ETV1: variants seen among roughly 807,000 people sequenced by gnomAD.
The protein encoded by ETV1 is ETS variant transcription factor 1.
Under a neutral mutation model 62.3 loss-of-function variants are expected in ETV1, and 27 were observed. The ratio of observed to expected loss-of-function variants is 0.43; its 90% CI spans 0.32 to 0.60. The LOEUF (loss-of-function observed/expected upper bound fraction) is 0.60, where lower values mean the gene tolerates loss of function less well. ETV1 is among the 20% of genes least tolerant of loss of function. The pLI is 0.06. For synonymous variants in ETV1, 222 were observed against 199.6 expected (o/e 1.11, Z -0.94); for missense variants, 605 against 605.8 (o/e 1.00, Z 0.01).
chr7:13,925,926 T>A (rs1306945003), intron 9 of ETV1, among the ~76,000 whole-genome samples: 1 of 152,088 alleles, frequency 6.6e-6, no homozygotes, highest in African/African-American at 2.4e-5. Context: ...TGTTAAAATA[T>A]AAAATATTAA....
chr7:13,940,304 G>C (rs1280833532), intron 6 of ETV1, among the ~76,000 whole-genome samples: 3 of 151,438 alleles, frequency 2.0e-5, no homozygotes, highest in African/African-American at 4.9e-5. Flanking sequence ...GGAGGTTGCA[G>C]TGAGCCGAGA....
intron 12 of ETV1, among the ~76,000 whole-genome samples, chr7:13,901,499 G>T (rs1413470564): frequency 6.6e-6 from 1 of 152,040 alleles, no homozygotes; most frequent in African/African-American, 2.4e-5. Context: ...ATCCTTCTTG[G>T]TTTTTCAGAC....
At chr7:13,936,276 ATTC>A (rs1425647984) in intron 7 of ETV1, among the ~76,000 whole-genome samples, 1 of 152,206 alleles carries the variant, frequency 6.6e-6, no homozygotes, top group Non-Finnish European at 1.5e-5. Flanking sequence ...CTGATATTAT[ATTC>A]TTCTTTTATA....
intron 5 of ETV1, among the ~76,000 whole-genome samples, chr7:13,984,149 C>T (rs1458415501): frequency 6.6e-6 from 1 of 151,940 alleles, no homozygotes; most frequent in African/African-American, 2.4e-5. Flanking sequence ...GTTTTTAGAC[C>T]TGTTTAACTT....
At chr7:13,896,165 C>T (rs1002146256) in intron 13 of ETV1, 78 bp from the exon 14 acceptor site, 13 of 1,257,970 alleles carry the variant, frequency 1.0e-5, no homozygotes, top group Middle Eastern at 2.0e-4. Context: ...AAGCCAAAAA[C>T]GTGGTTTAAT....
chr7:13,952,097 A>G (rs1242495578), intron 6 of ETV1, among the ~76,000 whole-genome samples: 1 of 152,244 alleles, frequency 6.6e-6, no homozygotes, highest in Non-Finnish European at 1.5e-5. Context: ...AGGACAAGGT[A>G]TCCCGACAGA....
At position 13,927,533 on chromosome 7, in the gene ETV1, T is replaced by C. The variant is rs577991864; in HGVS notation, c.802+3969A>G. ...AATCTATGTGCTTCCTAATGTGCTATTTGTTCAACACCAATAGGTGAAAAA... is the reference window on the plus strand; with the variant it reads ...AATCTATGTGCTTCCTAATGTGCTACTTGTTCAACACCAATAGGTGAAAAA... On this transcript the variant is annotated intron_variant, in intron 9 of 13. Coordinates refer to ENST00000430479, the MANE Select transcript of ETV1 (RefSeq NM_004956.5). Among the ~76,000 whole-genome samples, 3 of 152,350 alleles carry C rather than the reference T, an allele frequency of 2.0e-5. No individual in the cohort carries two copies. In the East Asian group the frequency reaches 5.8e-4, roughly 29 times the overall value.
At chr7:13,976,932 T>A (rs1781505471) in intron 6 of ETV1, among the ~76,000 whole-genome samples, 1 of 152,152 alleles carries the variant, frequency 6.6e-6, no homozygotes, top group South Asian at 2.1e-4. Flanking sequence ...AAAAATTAAA[T>A]AAAAGCAGGT....
intron 9 of ETV1, 95 bp downstream of exon 9, chr7:13,931,407 G>T: frequency 7.4e-7 from 1 of 1,352,252 alleles, no homozygotes; most frequent in Non-Finnish European, 1.0e-6. Context: ...TTAAAAAATG[G>T]TCAGGAGCTA....
At position 13,989,149 on chromosome 7, in the gene ETV1, A is replaced by T; in HGVS notation, c.-87-10T>A. On this transcript the variant is annotated splice_polypyrimidine_tract_variant and intron_variant, in intron 2 of 13. Coordinates refer to ENST00000430479, the MANE Select transcript of ETV1 (RefSeq NM_004956.5). ...CTGGACTTCTATCAACCTAGAGGGGAACAAGATGGCTTTTAGGCTTAAAAA... is the reference window on the plus strand; with the variant it reads ...CTGGACTTCTATCAACCTAGAGGGGTACAAGATGGCTTTTAGGCTTAAAAA... The T allele has an allele frequency of 9.6e-7, 1 of 1,039,062 alleles. No individual in the cohort carries two copies. The highest frequency in any genetic ancestry group is 1.4e-6 in the Non-Finnish European group (1 of 707,734). The allele number at this position is 1,039,062 out of a possible 1,614,324, so 64.4% of individuals were successfully genotyped here. A position where few individuals can be genotyped will look rare whatever the true frequency, so the allele number is the denominator to read the frequency against.
At chr7:13,983,435 G>A (rs184215440) in intron 5 of ETV1, among the ~76,000 whole-genome samples, 8 of 152,022 alleles carry the variant, frequency 5.3e-5, no homozygotes, top group Admixed American at 3.3e-4. Context: ...TTAAGAATAA[G>A]ACATCACCAT....
In ETV1 at chr7:13,895,864, T is replaced by G; in HGVS notation, c.*2A>C. ...AAACGCCCTGCTTGACTGTCACTTG[T>G]GTTAATACACGTAGCCTTCGTTGTA... On this transcript the variant is annotated 3_prime_UTR_variant, in exon 14 of 14. Coordinates refer to ENST00000430479, the MANE Select transcript of ETV1 (RefSeq NM_004956.5). The G allele has an allele frequency of 6.2e-7, 1 of 1,611,324 alleles. No individual in the cohort carries two copies. Among genetic ancestry groups the G allele is most frequent in the Non-Finnish European group, 8.5e-7 (1 of 1,178,374 alleles).
upstream of ETV1, chr7:13,989,835 T>C (rs1348133394): frequency 2.7e-6 from 1 of 376,654 alleles, no homozygotes; most frequent in African/African-American, 2.1e-5. Context: ...CTCGCCCCTC[T>C]GCCCTAGGGG....
intron 6 of ETV1, among the ~76,000 whole-genome samples, chr7:13,961,067 G>A (rs1000120812): frequency 2.2e-5 from 3 of 138,888 alleles, no homozygotes; most frequent in African/African-American, 4.9e-5. Flanking sequence ...GATCGCTTGA[G>A]CGCGGGTGGT....
intron 9 of ETV1, among the ~76,000 whole-genome samples, chr7:13,924,026 ACT>A (rs1785142958): frequency 1.3e-5 from 2 of 151,770 alleles, no homozygotes; most frequent in East Asian, 1.9e-4. Context: ...CAAGAGTGAA[ACT>A]CTGTCTCAAA....
chr7:13,926,000 T>C (rs570474810), intron 9 of ETV1, among the ~76,000 whole-genome samples: 5 of 152,290 alleles, frequency 3.3e-5, no homozygotes, highest in Middle Eastern at 3.4e-3. Flanking sequence ...GGTATTTCTG[T>C]ACTGGCTCTT....
At chr7:13,977,946 A>G (rs1409858551) in intron 5 of ETV1, among the ~76,000 whole-genome samples, 1 of 152,162 alleles carries the variant, frequency 6.6e-6, no homozygotes, top group Non-Finnish European at 1.5e-5. Context: ...GTCTGCTGGT[A>G]TGTTCTCTGT....
chr7:13,897,182 C>G (rs1781938070), intron 13 of ETV1, among the ~76,000 whole-genome samples: 1 of 152,018 alleles, frequency 6.6e-6, no homozygotes, highest in Non-Finnish European at 1.5e-5. Context: ...ACAGTTCTTT[C>G]TATTAACTTT....
At position 13,919,734 on chromosome 7, in the gene ETV1, T is replaced by C. The variant is rs79177059; in HGVS notation, c.803-8427A>G. ...TTCCTCAAACCTATTAGTTAACTCA[T>C]TTAAGTATAGAAATCATTTAAGTGT... On this transcript the variant is annotated intron_variant, in intron 9 of 13. Coordinates refer to ENST00000430479, the MANE Select transcript of ETV1 (RefSeq NM_004956.5). 1.3e-4 allele frequency among the ~76,000 whole-genome samples: 20 copies of C among 152,272 alleles called. No individual in the cohort carries two copies. The East Asian group carries it at 3.9e-3, about 29-fold the overall frequency.
Sources: gnomAD v4.1 joint callset for allele counts (sites outside exome capture counted in the v4.1 genomes callset) on GRCh38, gnomAD v4.1.1 for gene constraint, MANE v1.5 for transcripts, NCBI Gene and HGNC (gene_info 2026-07-23, HGNC 2026-07-21) for gene names.